Variants in IL1RAPL1 observed in about 807,000 individuals in gnomAD.
The protein encoded by IL1RAPL1 is interleukin-1 receptor accessory protein-like 1.
IL1RAPL1 carries 3 observed loss-of-function variants against 48.4 expected under a neutral mutation model. That is an observed-to-expected ratio of 0.06 (90% CI 0.03 to 0.16). IL1RAPL1 has a LOEUF of 0.16. Among genes scored for constraint, IL1RAPL1 ranks in the 10% least tolerant of loss-of-function variants. The pLI, the probability that IL1RAPL1 is intolerant of heterozygous loss-of-function variation, is 1.00. For missense variants in IL1RAPL1, 349 were observed against 530.6 expected (o/e 0.66, Z 3.36); for synonymous variants, 185 against 187.7 (o/e 0.99, Z 0.12).
chrX:29,812,107 G>A (rs1272572785), intron 6 of IL1RAPL1, among the ~76,000 whole-genome samples: 2 of 111,909 alleles, frequency 1.8e-5, no homozygotes, highest in African/African-American at 3.2e-5. Context: ...ATATATGCTA[G>A]AATATAAAAC....
At chrX:29,239,504 A>G (rs1931366772) in intron 2 of IL1RAPL1, among the ~76,000 whole-genome samples, 1 of 111,971 alleles carries the variant, frequency 8.9e-6, no homozygotes, top group Non-Finnish European at 1.9e-5. Flanking sequence ...ACATAATGTT[A>G]TTATCATACT....
chrX:28,802,816 C>T (rs73208038), intron 2 of IL1RAPL1, among the ~76,000 whole-genome samples: 297 of 111,384 alleles, frequency 2.7e-3, no homozygotes, highest in Middle Eastern at 4.7e-3. Flanking sequence ...TCTCCAATGC[C>T]ATCTTGTGGC....
chrX:29,004,690 T>C (rs756205280), intron 2 of IL1RAPL1, among the ~76,000 whole-genome samples: 3 of 111,290 alleles, frequency 2.7e-5, no homozygotes, highest in Non-Finnish European at 5.7e-5. Flanking sequence ...CTGAAGAAAA[T>C]ATTCCTAATC....
intron 6 of IL1RAPL1, among the ~76,000 whole-genome samples, chrX:29,695,965 A>T (rs896489777): frequency 4.5e-5 from 5 of 111,870 alleles, no homozygotes; most frequent in Non-Finnish European, 9.4e-5. Flanking sequence ...ATAAAAATAA[A>T]ATCTCTTCTG....
At chrX:29,528,036 C>T (rs1935572908) in intron 5 of IL1RAPL1, among the ~76,000 whole-genome samples, 1 of 112,048 alleles carries the variant, frequency 8.9e-6, no homozygotes, top group Admixed American at 9.4e-5. Flanking sequence ...GAGAAACAAG[C>T]ATTCTCATAC....
intron 5 of IL1RAPL1, among the ~76,000 whole-genome samples, chrX:29,433,065 A>G (rs1184503593): frequency 1.8e-5 from 2 of 110,310 alleles, no homozygotes; most frequent in Middle Eastern, 4.7e-3. Flanking sequence ...AATACATGGT[A>G]TGTCTGTTTA....
intron 2 of IL1RAPL1, among the ~76,000 whole-genome samples, chrX:29,133,512 A>G (rs760561340): frequency 6.3e-5 from 7 of 111,337 alleles, no homozygotes; most frequent in Non-Finnish European, 9.4e-5. Context: ...GGATTAATGC[A>G]GTTTATTTTA....
chrX:29,188,833 C>A (rs1178518905), intron 2 of IL1RAPL1, among the ~76,000 whole-genome samples: 3 of 111,073 alleles, frequency 2.7e-5, no homozygotes, highest in Non-Finnish European at 5.7e-5. Flanking sequence ...GATCTACCAG[C>A]TTCGGCCTCA....
At chrX:29,924,395 A>G (rs749521614) in intron 8 of IL1RAPL1, among the ~76,000 whole-genome samples, 19 of 112,266 alleles carry the variant, frequency 1.7e-4, no homozygotes, top group Non-Finnish European at 2.6e-4. Flanking sequence ...GTACTGTCCT[A>G]AAGGATAATT....
chrX:29,315,432 TTG>T (rs1292456040), intron 3 of IL1RAPL1, among the ~76,000 whole-genome samples: 1 of 111,642 alleles, frequency 9.0e-6, no homozygotes, highest in Non-Finnish European at 1.9e-5. Flanking sequence ...AGACTTAAAA[TTG>T]CCTCCGTCTT....
intron 2 of IL1RAPL1, among the ~76,000 whole-genome samples, chrX:29,049,980 C>G (rs1375972419): frequency 8.9e-6 from 1 of 112,190 alleles, no homozygotes; most frequent in East Asian, 2.8e-4. Flanking sequence ...ATTTCAGGAT[C>G]CAATCCCTGT....
chrX:29,646,339 A>G (rs182593030), intron 5 of IL1RAPL1, among the ~76,000 whole-genome samples: 160 of 112,236 alleles, frequency 1.4e-3, no homozygotes, highest in African/African-American at 4.7e-3. Flanking sequence ...AGAATCAACA[A>G]AAGTATTCAT....
At chrX:28,722,959 GA>G (rs2146941175) in intron 1 of IL1RAPL1, among the ~76,000 whole-genome samples, 1 of 111,560 alleles carries the variant, frequency 9.0e-6, no homozygotes, top group South Asian at 3.8e-4. Flanking sequence ...GATCATGGTG[GA>G]TAAGCTTTTT....
intron 2 of IL1RAPL1, among the ~76,000 whole-genome samples, chrX:29,262,555 C>T (rs1602141382): frequency 1.8e-5 from 2 of 109,722 alleles, no homozygotes; most frequent in Non-Finnish European, 3.8e-5. Context: ...CCTAGCTACT[C>T]GGGAGGCTGA....
intron 3 of IL1RAPL1, among the ~76,000 whole-genome samples, chrX:29,361,494 ACAGTC>A (rs1246439354): frequency 9.1e-6 from 1 of 110,323 alleles, no homozygotes; most frequent in Admixed American, 9.8e-5. Context: ...CCTTCCTACT[ACAGTC>A]TTTTGATTTT....
At chrX:29,144,379 G>A (rs1374104665) in intron 2 of IL1RAPL1, among the ~76,000 whole-genome samples, 1 of 109,408 alleles carries the variant, frequency 9.1e-6, no homozygotes, top group East Asian at 2.9e-4. Context: ...GAGGCAGGTG[G>A]ATCACCTGAG....
At chrX:29,049,411 G>A (rs1039224123) in intron 2 of IL1RAPL1, among the ~76,000 whole-genome samples, 31 of 112,289 alleles carry the variant, frequency 2.8e-4, no homozygotes, top group African/African-American at 1.0e-3. Context: ...TTAATGGCAG[G>A]CAAAGAGAAT....
At chrX:28,774,325 A>T (rs1936339498) in intron 1 of IL1RAPL1, among the ~76,000 whole-genome samples, 1 of 111,584 alleles carries the variant, frequency 9.0e-6, no homozygotes, top group African/African-American at 3.3e-5. Flanking sequence ...TGTCTTAATA[A>T]CATCTATTAT....
At chrX:29,517,143 G>A (rs1450879493) in intron 5 of IL1RAPL1, among the ~76,000 whole-genome samples, 1 of 110,322 alleles carries the variant, frequency 9.1e-6, no homozygotes, top group Admixed American at 9.7e-5. Flanking sequence ...TTTCTAGTTT[G>A]TACTTTGGAA....
Sources: allele counts gnomAD v4.1 joint callset (sites outside exome capture counted in the v4.1 genomes callset), GRCh38; gene constraint gnomAD v4.1.1; transcripts MANE v1.5; gene names NCBI Gene and HGNC (gene_info 2026-07-23, HGNC 2026-07-21).